The following ADAMTS5 variants were observed in gnomAD, a reference collection of about 807,000 sequenced individuals.
The protein encoded by ADAMTS5 is A disintegrin and metalloproteinase with thrombospondin motifs 5.
In ADAMTS5, 54 loss-of-function variants were observed where a neutral mutation model predicts 81.4. That is an observed-to-expected ratio of 0.66 (90% CI 0.53 to 0.83). ADAMTS5 has a LOEUF of 0.83. Ranked by LOEUF, ADAMTS5 falls within the 40% of genes least tolerant of loss-of-function variation. The pLI, the probability that ADAMTS5 is intolerant of heterozygous loss-of-function variation, is 0.00. For missense variants in ADAMTS5, 1,194 were observed against 1,229.9 expected (o/e 0.97, Z 0.44); for synonymous variants, 532 against 508.8 (o/e 1.05, Z -0.61).
intron 2 of ADAMTS5, among the ~76,000 whole-genome samples, chr21:26,945,076 G>C (rs543096046): frequency 2.0e-5 from 3 of 151,404 alleles, no homozygotes; most frequent in African/African-American, 7.3e-5. Flanking sequence ...CAAATAACTT[G>C]CAAAGGAAAT....
rs151065 is a variant in ADAMTS5, at chr21:26,924,005, A to G, written c.*48T>C. The G allele has an allele frequency of 0.87, 1,328,231 of 1,525,602 alleles. 584,161 individuals are homozygous for G. Among genetic ancestry groups the G allele is most frequent in the African/African-American group, 0.96 (70,208 of 72,834 alleles). The allele number at this position is 1,525,602 out of a possible 1,614,324, so 94.5% of individuals were successfully genotyped here. A position where few individuals can be genotyped will look rare whatever the true frequency, so the allele number is the denominator to read the frequency against. On this transcript the variant is annotated 3_prime_UTR_variant, in exon 8 of 8. Transcript: ENST00000284987. ...ACCTCCTGTTCACCACGACTGCATCAGTGCTGAATCCTCCAGTTATCTTTG... is the reference window on the plus strand; with the variant it reads ...ACCTCCTGTTCACCACGACTGCATCGGTGCTGAATCCTCCAGTTATCTTTG...
At chr21:26,936,383 G>T (rs1987013826) in intron 3 of ADAMTS5, among the ~76,000 whole-genome samples, 1 of 152,084 alleles carries the variant, frequency 6.6e-6, no homozygotes, top group African/African-American at 2.4e-5. Flanking sequence ...AAAATACAAA[G>T]CAATGGTAGT....
In ADAMTS5 at chr21:26,932,070, T is replaced by C; in HGVS notation, c.1983A>G (p.Pro661=). The C allele has an allele frequency of 6.2e-7, 1 of 1,614,222 alleles. No individual in the cohort carries two copies. The highest frequency in any genetic ancestry group is 1.1e-5 in the South Asian group (1 of 91,082). ...TGCAGGTCAGCTTGCACACATCCGC[T>C]GGCAGGACACCTGCATATTTGGGAA... The part of the protein sequence containing the change: ...EWVPKYAGVL[P]ADVCKLTCRA... The change falls in exon 6 of 8, where the codon CCA becomes CCG. Residue 661 remains proline, a synonymous_variant. Transcript: ENST00000284987.
At chr21:26,954,711 G>A in intron 2 of ADAMTS5, 28 bp downstream of exon 2, 1 of 1,609,428 alleles carries the variant, frequency 6.2e-7, no homozygotes, top group Non-Finnish European at 8.5e-7. Context: ...GTTTGATTTG[G>A]TGAGGGAAAA....
intron 2 of ADAMTS5, among the ~76,000 whole-genome samples, chr21:26,947,375 G>T (rs1458718450): frequency 6.6e-6 from 1 of 152,006 alleles, no homozygotes; most frequent in Non-Finnish European, 1.5e-5. Context: ...TCTAATCCAC[G>T]AGTATTTTCC....
chr21:26,954,092 A>C (rs1174705865), intron 2 of ADAMTS5: 2 of 151,972 alleles, frequency 1.3e-5, no homozygotes, highest in East Asian at 3.9e-4. Flanking sequence ...AATAATTAGG[A>C]AGCACATATT....
In ADAMTS5 at chr21:26,920,806, A is replaced by T. The variant is rs927847962; in HGVS notation, c.*3247T>A. The stretch of plus-strand genomic sequence containing the variant: ...GTTAATGTGATGTAAAAAACCTATT[A>T]TCATAGGCACAAGTAATGAACACTA... On this transcript the variant is annotated 3_prime_UTR_variant, in exon 8 of 8. Coordinates refer to ENST00000284987, the MANE Select transcript of ADAMTS5 (RefSeq NM_007038.5). 6.6e-6 allele frequency: 1 copy of T among 152,124 alleles called. No homozygotes were observed. Among genetic ancestry groups the T allele is most frequent in the Non-Finnish European group, 1.5e-5 (1 of 67,994 alleles). The allele number at this position is 152,124 out of a possible 1,614,324, so 9.4% of individuals were successfully genotyped here.
At chr21:26,948,702 A>G (rs1657118499) in intron 2 of ADAMTS5, among the ~76,000 whole-genome samples, 1 of 152,196 alleles carries the variant, frequency 6.6e-6, no homozygotes, top group African/African-American at 2.4e-5. Context: ...TCAATTATGT[A>G]ATTTGGAAGG....
In ADAMTS5 at chr21:26,965,806, C is replaced by G; in HGVS notation, c.586G>C (p.Glu196Gln). ...SARILHVYTR[E>Q]GFSFEALPPR... ...GGCAGGGCCTCGAAGCTGAAGCCCT[C>G]GCGGGTGTAGACGTGCAGGATCCGT... The change falls in exon 1 of 8, where the codon GAG becomes CAG. Residue 196 changes from glutamate to glutamine, a missense_variant. This residue lies in a region of ADAMTS5 where 498 missense variants were observed against 412.3 expected (regional missense o/e 1.21). Coordinates refer to ENST00000284987, the MANE Select transcript of ADAMTS5 (RefSeq NM_007038.5). 6.2e-7 allele frequency: 1 copy of G among 1,607,296 alleles called. No individual in the cohort carries two copies. Among genetic ancestry groups the G allele is most frequent in the Non-Finnish European group, 8.5e-7 (1 of 1,177,200 alleles).
chr21:26,965,809 G>C lies in ADAMTS5; in HGVS notation c.583C>G (p.Arg195Gly). ...GSARILHVYT[R>G]EGFSFEALPP... The stretch of plus-strand genomic sequence containing the variant: ...AGGGCCTCGAAGCTGAAGCCCTCGC[G>C]GGTGTAGACGTGCAGGATCCGTGCG... Residue 195 changes from arginine (R) to glycine (G), a missense_variant, in exon 1 of 8, where the codon CGC becomes GGC. Arg to Gly is a moderately radical substitution (Grantham distance 125). Around this residue, in one of 2 missense-constraint regions of ADAMTS5, gnomAD observed 498 missense variants for 412.3 expected, o/e 1.21. Transcript: ENST00000284987. 1 of 1,607,984 alleles carries C rather than the reference G, an allele frequency of 6.2e-7. No individual in the cohort carries two copies. The highest frequency in any genetic ancestry group is 8.5e-7 in the Non-Finnish European group (1 of 1,177,510).
chr21:26,926,540 G>T (rs772534307), intron 7 of ADAMTS5, among the ~76,000 whole-genome samples: 8 of 152,090 alleles, frequency 5.3e-5, no homozygotes, highest in South Asian at 2.1e-4. Flanking sequence ...GGGCATGCTG[G>T]CCCGTGCCTC....
chr21:26,960,045 C>T (rs1001320793), intron 1 of ADAMTS5, among the ~76,000 whole-genome samples: 1 of 152,170 alleles, frequency 6.6e-6, no homozygotes, highest in African/African-American at 2.4e-5. Context: ...CCATTCTGTC[C>T]ACTATTTTGT....
chr21:26,929,905 C>T lies in ADAMTS5; in HGVS notation c.2206G>A (p.Gly736Arg), dbSNP rs200892937. ...TATTACCTTTTCTTATTAAAGGTTC[C>T]AACAATCTTTGTACAGCTGGAGTTG... ...GDNSSCTKIV[G>R]TFNKKSKGYT... is the part of the protein sequence containing the mutation. Residue 736 changes from glycine to arginine, a missense_variant, in exon 7 of 8, where the codon GGA becomes AGA. By Grantham distance (125) the Gly-to-Arg change is moderately radical (BLOSUM62 -2). Coordinates refer to ENST00000284987, the MANE Select transcript of ADAMTS5 (RefSeq NM_007038.5). 6.2e-7 allele frequency: 1 copy of T among 1,613,802 alleles called. No homozygotes were observed.
chr21:26,934,745 G>C lies in ADAMTS5; in HGVS notation c.1410C>G (p.Asn470Lys), dbSNP rs774314022. 1 of 1,613,588 alleles carries C rather than the reference G, an allele frequency of 6.2e-7. No individual in the cohort carries two copies. The highest frequency in any genetic ancestry group is 2.2e-5 in the East Asian group (1 of 44,848). Residue 470 changes from asparagine to lysine, a missense_variant, in exon 4 of 8, where the codon AAC becomes AAG. Physicochemically the swap from Asn to Lys is moderately conservative, Grantham distance 94. Around this residue, in one of 2 missense-constraint regions of ADAMTS5, gnomAD observed 696 missense variants for 817.6 expected, o/e 0.85. Coordinates refer to ENST00000284987, the MANE Select transcript of ADAMTS5 (RefSeq NM_007038.5). ...GCTTTCGTGGTAGGTCCAGCAAACA[G>C]TTACCTACAAGAATAACTGAGATTG... ...ITEFLDDGHG[N>K]CLLDLPRKQI...
At position 26,966,468 on chromosome 21, in the gene ADAMTS5, C is replaced by A. The variant is rs1277595409; in HGVS notation, c.-77G>T. ...GTTATTTGCTATGAAGTTAACGGGG[C>A]GGGGGATGGGGACACACACACACTT... On this transcript the variant is annotated 5_prime_UTR_variant, in exon 1 of 8. Coordinates refer to ENST00000284987, the MANE Select transcript of ADAMTS5 (RefSeq NM_007038.5). The A allele has an allele frequency of 8.3e-6, 11 of 1,326,464 alleles. No individual in the cohort carries two copies. In the South Asian group the frequency reaches 2.0e-4, roughly 24 times the overall value. 82.2% of individuals were successfully genotyped at this position (1,326,464 alleles called of 1,614,324 possible). A position where few individuals can be genotyped will look rare whatever the true frequency, so the allele number is the denominator to read the frequency against.
intron 1 of ADAMTS5, among the ~76,000 whole-genome samples, chr21:26,961,893 CCT>C (rs1379688700): frequency 6.6e-6 from 1 of 152,144 alleles, no homozygotes; most frequent in African/African-American, 2.4e-5. Flanking sequence ...TCTACTGCCC[CCT>C]GTTGTCAGAA....
intron 1 of ADAMTS5, among the ~76,000 whole-genome samples, chr21:26,962,667 G>A (rs1273751600): frequency 6.6e-6 from 1 of 152,158 alleles, no homozygotes; most frequent in Non-Finnish European, 1.5e-5. Context: ...ATCAAAACAT[G>A]GATTTCATAG....
rs1320168024 is a variant in ADAMTS5 at position 26,919,076 on chromosome 21, T to C, written c.*4977A>G. The C allele has an allele frequency of 6.6e-6, 1 of 151,984 alleles. No individual in the cohort carries two copies. The allele number at this position is 151,984 out of a possible 1,614,324, so 9.4% of individuals were successfully genotyped here. On this transcript the variant is annotated 3_prime_UTR_variant, in exon 8 of 8. Transcript: ENST00000284987. ...GCTTAGAGGTCTTTCTTGCAAACTG[T>C]AAAATCATGTAGAAAAATAGTAACT...
intron 2 of ADAMTS5, among the ~76,000 whole-genome samples, chr21:26,952,006 G>A (rs1056981363): frequency 6.6e-6 from 1 of 152,142 alleles, no homozygotes; most frequent in Non-Finnish European, 1.5e-5. Context: ...ATAATAAAGA[G>A]ATTAGAAAAT....
Sources: gnomAD v4.1 joint callset for allele counts (sites outside exome capture counted in the v4.1 genomes callset) on GRCh38, gnomAD v4.1.1 for gene constraint, gnomAD v4.1.1 regional missense constraint, MANE v1.5 for transcripts, NCBI Gene and HGNC (gene_info 2026-07-23, HGNC 2026-07-21) for gene names.